PEAK1: variants seen among roughly 807,000 people sequenced by gnomAD.
PEAK1 encodes the protein pseudopodium enriched atypical kinase 1.
Under a neutral mutation model 124.7 loss-of-function variants are expected in PEAK1, and 54 were observed. The ratio of observed to expected loss-of-function variants is 0.43; its 90% CI spans 0.35 to 0.54. PEAK1 has a LOEUF of 0.54. Ranked by LOEUF, PEAK1 falls within the 20% of genes least tolerant of loss-of-function variation. The probability of loss-of-function intolerance (pLI) is 0.01; values close to 1 mark genes in which losing one functional copy is unlikely to be tolerated. For synonymous variants in PEAK1, 719 were observed against 760.0 expected (o/e 0.95, Z 0.89); for missense variants, 2,046 against 2,134.5 (o/e 0.96, Z 0.82).
chr15:77,258,970 T>A (rs529269957), intron 5 of PEAK1, among the ~76,000 whole-genome samples: 12 of 152,202 alleles, frequency 7.9e-5, no homozygotes, highest in African/African-American at 2.9e-4. Context: ...CTTTTCTCCA[T>A]CTATTGAGAT....
At chr15:77,330,351 C>CA (rs2065822524) in intron 2 of PEAK1, among the ~76,000 whole-genome samples, 1 of 152,132 alleles carries the variant, frequency 6.6e-6, no homozygotes, top group African/African-American at 2.4e-5. Flanking sequence ...TCCATGATTC[C>CA]ATAACAGCTC....
intron 2 of PEAK1, chr15:77,346,499 C>A: frequency 1.0e-6 from 1 of 985,370 alleles, no homozygotes; most frequent in Non-Finnish European, 1.2e-6. Context: ...TTCCTACCTG[C>A]TAATTGCTTT....
At chr15:77,218,512 A>G (rs942216694) in intron 6 of PEAK1, among the ~76,000 whole-genome samples, 2 of 151,916 alleles carry the variant, frequency 1.3e-5, no homozygotes, top group African/African-American at 4.8e-5. Flanking sequence ...TTAGTTAGCT[A>G]ACATTTTGTT....
chr15:77,275,673 A>G (rs1031701993), intron 5 of PEAK1, among the ~76,000 whole-genome samples: 2 of 152,068 alleles, frequency 1.3e-5, no homozygotes, highest in African/African-American at 2.4e-5. Flanking sequence ...CTGAGATTGC[A>G]GTGCAGCCTG....
chr15:77,409,164 A>C (rs940973154), intron 1 of PEAK1, among the ~76,000 whole-genome samples: 2 of 152,112 alleles, frequency 1.3e-5, no homozygotes, highest in Non-Finnish European at 2.9e-5. Context: ...TTAAGAGGGG[A>C]CCCTAACTTT....
At position 77,252,579 on chromosome 15, in the gene PEAK1, T is replaced by C. The variant is rs191387183; in HGVS notation, c.-274-53A>G. 761 of 899,364 alleles carry C rather than the reference T, an allele frequency of 8.5e-4. 1 individual carries two copies. The highest frequency in any genetic ancestry group is 2.8e-3 in the Admixed American group (45 of 16,134). The allele number at this position is 899,364 out of a possible 1,614,324, so 55.7% of individuals were successfully genotyped here. On this transcript the variant is annotated intron_variant, in intron 5 of 9. Coordinates refer to ENST00000682557, the MANE Select transcript of PEAK1 (RefSeq NM_001385026.1). ...CTGGAGAGTAATATAATTTCAAATATATTGGACATCTTTTCTTAGATATTC... is the reference window on the plus strand; with the variant it reads ...CTGGAGAGTAATATAATTTCAAATACATTGGACATCTTTTCTTAGATATTC...
intron 6 of PEAK1, among the ~76,000 whole-genome samples, chr15:77,192,462 T>TAATATACAA (rs1270101167): frequency 6.6e-6 from 1 of 152,208 alleles, no homozygotes; most frequent in East Asian, 1.9e-4. Context: ...TACTGGATAT[T>TAATATACAA]AATATACAAG....
At chr15:77,249,973 A>C (rs541120873) in intron 6 of PEAK1, among the ~76,000 whole-genome samples, 2 of 151,786 alleles carry the variant, frequency 1.3e-5, no homozygotes, top group East Asian at 1.9e-4. Flanking sequence ...TCTTCAACAA[A>C]AAAAATTTTT....
chr15:77,307,269 T>C (rs1453561914), intron 2 of PEAK1, among the ~76,000 whole-genome samples: 5 of 151,944 alleles, frequency 3.3e-5, no homozygotes, highest in Non-Finnish European at 5.9e-5. Flanking sequence ...ATGTGTAAAA[T>C]GAGGGGACTG....
intron 6 of PEAK1, among the ~76,000 whole-genome samples, chr15:77,219,560 C>T (rs1001975059): frequency 2.0e-5 from 3 of 152,068 alleles, no homozygotes; most frequent in Non-Finnish European, 4.4e-5. Flanking sequence ...AATTAAAAAT[C>T]AACCTTATAT....
intron 7 of PEAK1, among the ~76,000 whole-genome samples, chr15:77,161,455 G>A (rs1200659619): frequency 6.6e-6 from 1 of 152,204 alleles, no homozygotes; most frequent in Non-Finnish European, 1.5e-5. Context: ...TTAAATAAGT[G>A]CACTGGTATA....
At chr15:77,150,323 G>C (rs2054498252) in intron 8 of PEAK1, among the ~76,000 whole-genome samples, 1 of 152,076 alleles carries the variant, frequency 6.6e-6, no homozygotes, top group South Asian at 2.1e-4. Context: ...CTGGTTCTGT[G>C]ACTTTAGGAA....
intron 6 of PEAK1, among the ~76,000 whole-genome samples, chr15:77,241,266 T>C (rs1365522284): frequency 6.6e-6 from 1 of 151,900 alleles, no homozygotes; most frequent in Non-Finnish European, 1.5e-5. Flanking sequence ...ATACGGAAAA[T>C]CTGACAAAAT....
rs752564656 is a variant in PEAK1 at position 77,383,019 on chromosome 15, CTTTT to C, written c.-665-17798_-665-17795del. On this transcript the variant is annotated intron_variant, in intron 1 of 9. Coordinates refer to ENST00000682557, the MANE Select transcript of PEAK1 (RefSeq NM_001385026.1). The stretch of plus-strand genomic sequence containing the variant: ...GAAATATGAAATCAGTTTGTATCTC[CTTTT>C]TTTTTTTTTTTTTTTTTGACACGAA... Among the ~76,000 whole-genome samples, 6 of 130,412 alleles carry C rather than the reference CTTTT, an allele frequency of 4.6e-5. No homozygotes were observed. The East Asian group carries it at 6.4e-4, about 14-fold the overall frequency. The allele number at this position is 130,412 out of a possible 152,430, so 85.6% of individuals were successfully genotyped here.
At chr15:77,406,340 G>A (rs2071818072) in intron 1 of PEAK1, among the ~76,000 whole-genome samples, 2 of 152,178 alleles carry the variant, frequency 1.3e-5, no homozygotes, top group South Asian at 4.1e-4. Flanking sequence ...AAGTGAAACT[G>A]TCACTGCTCA....
chr15:77,210,701 G>A (rs1157110181), intron 6 of PEAK1, among the ~76,000 whole-genome samples: 2 of 152,140 alleles, frequency 1.3e-5, no homozygotes, highest in African/African-American at 4.8e-5. Context: ...CCAACATGGT[G>A]AAACCCCATC....
At chr15:77,399,111 G>A (rs1226588610) in intron 1 of PEAK1, among the ~76,000 whole-genome samples, 1 of 152,078 alleles carries the variant, frequency 6.6e-6, no homozygotes, top group East Asian at 1.9e-4. Flanking sequence ...AGTGGAAGAA[G>A]ACACTAAAAA....
intron 2 of PEAK1, among the ~76,000 whole-genome samples, chr15:77,354,382 C>G (rs2067379666): frequency 6.6e-6 from 1 of 152,172 alleles, no homozygotes; most frequent in Non-Finnish European, 1.5e-5. Flanking sequence ...GCATCTGCCC[C>G]TCTTCAAGTT....
chr15:77,286,240 C>A (rs1208077181), intron 3 of PEAK1, among the ~76,000 whole-genome samples, 183 bp downstream of exon 3: 1 of 152,128 alleles, frequency 6.6e-6, no homozygotes, highest in African/African-American at 2.4e-5. Flanking sequence ...GTTATGATTT[C>A]TGTTCTTTTG....
Sources: allele counts gnomAD v4.1 joint callset (sites outside exome capture counted in the v4.1 genomes callset), GRCh38; gene constraint gnomAD v4.1.1; transcripts MANE v1.5; gene names NCBI Gene and HGNC (gene_info 2026-07-23, HGNC 2026-07-21).